DARS1: variants seen among roughly 807,000 people sequenced by gnomAD.
DARS1 encodes aspartate--tRNA ligase, cytoplasmic.
Under a neutral mutation model 68.8 loss-of-function variants are expected in DARS1, and 51 were observed. The ratio of observed to expected loss-of-function variants is 0.74; its 90% CI spans 0.59 to 0.94. The LOEUF (loss-of-function observed/expected upper bound fraction) is 0.94, where lower values mean the gene tolerates loss of function less well. Ranked by LOEUF, DARS1 falls within the 40% of genes least tolerant of loss-of-function variation. The probability of loss-of-function intolerance (pLI) is 0.00; values close to 1 mark genes in which losing one functional copy is unlikely to be tolerated. For missense variants in DARS1, 607 were observed against 597.3 expected, an observed-to-expected ratio of 1.02 and a Z score of -0.17; for synonymous variants, 203 against 190.4, an observed-to-expected ratio of 1.07 and a Z score of -0.55.
At chr2:135,950,928 T>C (rs1285311015) in intron 4 of DARS1, among the ~76,000 whole-genome samples, 1 of 151,900 alleles carries the variant, frequency 6.6e-6, no homozygotes, top group Non-Finnish European at 1.5e-5. Context: ...TGGATAAAGG[T>C]GCAGAGCGTA....
At chr2:135,938,430 T>C (rs1681518685) in intron 5 of DARS1, among the ~76,000 whole-genome samples, 1 of 152,222 alleles carries the variant, frequency 6.6e-6, no homozygotes, top group South Asian at 2.1e-4. Flanking sequence ...TGCGATGTAT[T>C]CAAACATCCT....
chr2:135,911,047 T>C, intron 15 of DARS1, 92 bp downstream of exon 15: 3 of 642,984 alleles, frequency 4.7e-6, no homozygotes, highest in Non-Finnish European at 8.4e-6. Context: ...TTTTCACTTA[T>C]GTCGTAATTC....
At position 135,936,166 on chromosome 2, in the gene DARS1, AG is replaced by A. The variant is rs369842332; in HGVS notation, c.424-2177del. 2.7e-4 allele frequency among the ~76,000 whole-genome samples: 41 copies of A among 152,344 alleles called. No homozygotes were observed. The East Asian group carries it at 6.7e-3, about 25-fold the overall frequency. On this transcript the variant is annotated intron_variant, in intron 5 of 15. Coordinates refer to ENST00000264161, the MANE Select transcript of DARS1 (RefSeq NM_001349.4). ...TAACTGCTGGCTGAATAAATAAATA[AG>A]TGATAAAGCAAAGTCACTACTTATA...
At chr2:135,911,535 T>C in intron 13 of DARS1, 42 bp from the exon 14 acceptor site, 1 of 803,202 alleles carries the variant, frequency 1.2e-6, no homozygotes. Context: ...ACTACCATCC[T>C]ATTTCTATTA....
intron 4 of DARS1, among the ~76,000 whole-genome samples, chr2:135,945,726 CA>C (rs2104821190): frequency 6.6e-6 from 1 of 152,332 alleles, no homozygotes; most frequent in East Asian, 1.9e-4. Flanking sequence ...AAACAACTTA[CA>C]AATTAACTTC....
chr2:135,943,332 C>A, intron 5 of DARS1, 46 bp downstream of exon 5: 7 of 1,588,168 alleles, frequency 4.4e-6, no homozygotes, highest in South Asian at 1.1e-5. Flanking sequence ...ACTATTAGAA[C>A]CCAAATCTAT....
At chr2:135,957,339 T>C (rs942731599) in intron 4 of DARS1, among the ~76,000 whole-genome samples, 3 of 152,082 alleles carry the variant, frequency 2.0e-5, no homozygotes, top group Non-Finnish European at 4.4e-5. Context: ...CCGATTCTCC[T>C]GCCTCAGCCT....
At chr2:135,920,788 A>G (rs1681096556) in intron 9 of DARS1, among the ~76,000 whole-genome samples, 188 bp from the exon 10 acceptor site, 1 of 152,060 alleles carries the variant, frequency 6.6e-6, no homozygotes, top group Non-Finnish European at 1.5e-5. Flanking sequence ...ATAAACTCCT[A>G]CGGTCGTGCA....
intron 3 of DARS1, among the ~76,000 whole-genome samples, chr2:135,964,445 G>A (rs1392634534): frequency 1.3e-5 from 2 of 152,186 alleles, no homozygotes; most frequent in Non-Finnish European, 2.9e-5. Flanking sequence ...AACACAAGCA[G>A]TAAGTAGAAC....
chr2:135,928,672 C>CTT (rs755852990), intron 7 of DARS1, among the ~76,000 whole-genome samples: 15 of 134,814 alleles, frequency 1.1e-4, no homozygotes, highest in Admixed American at 3.0e-4. Flanking sequence ...TTTCTTTTTC[C>CTT]TTTTTTTTTT....
chr2:135,942,013 G>A (rs1214628900), intron 5 of DARS1, among the ~76,000 whole-genome samples: 1 of 152,168 alleles, frequency 6.6e-6, no homozygotes, highest in Non-Finnish European at 1.5e-5. Flanking sequence ...AACAGGTGCT[G>A]GAGAGGATGT....
chr2:135,922,753 C>T (rs926004066), intron 9 of DARS1, 31 bp downstream of exon 9: 67 of 1,506,932 alleles, frequency 4.4e-5, no homozygotes, highest in Non-Finnish European at 5.6e-5. Context: ...AATTAATTAA[C>T]TTGGATAAAA....
In DARS1 at chr2:135,963,663, C is replaced by T. The variant is rs375667526; in HGVS notation, c.218-2165G>A. Among the ~76,000 whole-genome samples the T allele has an allele frequency of 8.1e-5, 12 of 148,914 alleles. No homozygotes were observed. In the East Asian group the frequency reaches 1.6e-3, roughly 20 times the overall value. On this transcript the variant is annotated intron_variant, in intron 3 of 15. Transcript: ENST00000264161. ...CTGGGATTACAGGTGTGAGCCATCG[C>T]GCCTGGCCTATTAATGACTTCTTTT...
At chr2:135,944,797 AG>A (rs1474634047) in intron 4 of DARS1, among the ~76,000 whole-genome samples, 2 of 152,206 alleles carry the variant, frequency 1.3e-5, no homozygotes, top group Non-Finnish European at 2.9e-5. Flanking sequence ...CTTGCAATCT[AG>A]TGTCACTGAA....
chr2:135,966,636 A>G (rs1682242814), intron 3 of DARS1, among the ~76,000 whole-genome samples: 1 of 152,124 alleles, frequency 6.6e-6, no homozygotes, highest in Admixed American at 6.5e-5. Flanking sequence ...GGTTCAAGTG[A>G]TTCTCCTGCC....
At chr2:135,961,885 C>T (rs1469514775) in intron 3 of DARS1, among the ~76,000 whole-genome samples, 1 of 152,234 alleles carries the variant, frequency 6.6e-6, no homozygotes, top group Non-Finnish European at 1.5e-5. Flanking sequence ...TGCAAAGGCA[C>T]TGTACTACTA....
In DARS1 at chr2:135,969,356, GAC is replaced by G. The variant is rs1231874359; in HGVS notation, c.218-7860_218-7859del. ...TACGTGCATTATAAAGATTTGGAAA[GAC>G]ACAGAACAAATTAAGAATGAATAAT... On this transcript the variant is annotated intron_variant, in intron 3 of 15. Coordinates refer to ENST00000264161, the MANE Select transcript of DARS1 (RefSeq NM_001349.4). 2.6e-5 allele frequency among the ~76,000 whole-genome samples: 4 copies of G among 152,022 alleles called. No individual in the cohort carries two copies. The East Asian group carries it at 7.7e-4, about 29-fold the overall frequency.
Position 135,916,252 on chromosome 2 carries a change from G to T in DARS1, c.1080C>A (p.Val360=), listed in dbSNP as rs754076040. The T allele has an allele frequency of 6.3e-7, 1 of 1,597,730 alleles. No homozygotes were observed. The highest frequency in any genetic ancestry group is 2.2e-5 in the East Asian group (1 of 44,754). ...TCAGATCGTCTTCATCTCCCATTTC[G>T]ACTCCAGCTTCCCTAAGCATAGCCA... ...EALAMLREAG[V]EMGDEDDLST... is the part of the protein sequence containing the mutation. Residue 360 remains valine (V), a synonymous_variant, in exon 11 of 16, where the codon GTC becomes GTA. Transcript: ENST00000264161.
chr2:135,949,393 G>GTTAATTAC (rs1681796470), intron 4 of DARS1, among the ~76,000 whole-genome samples: 1 of 151,990 alleles, frequency 6.6e-6, no homozygotes, highest in Non-Finnish European at 1.5e-5. Flanking sequence ...AAACTACTCT[G>GTTAATTAC]TTAATTACTT....
Sources: allele counts gnomAD v4.1 joint callset (sites outside exome capture counted in the v4.1 genomes callset), GRCh38; gene constraint gnomAD v4.1.1; transcripts MANE v1.5; gene names NCBI Gene and HGNC (gene_info 2026-07-23, HGNC 2026-07-21).